The following TEX2 variants were observed in gnomAD, a reference collection of about 807,000 sequenced individuals.
The protein encoded by TEX2 is testis expressed 2.
A neutral mutation model predicts 106.9 loss-of-function variants in TEX2; 53 were observed. That is an observed-to-expected ratio of 0.50 (90% CI 0.40 to 0.62). The LOEUF is 0.62. Ranked by LOEUF, TEX2 falls within the 20% of genes least tolerant of loss-of-function variation. The pLI is 0.00. For synonymous variants in TEX2, 523 were observed against 534.8 expected, an observed-to-expected ratio of 0.98 and a Z score of 0.30; for missense variants, 1,207 against 1,379.0, an observed-to-expected ratio of 0.88 and a Z score of 1.98.
intron 5 of TEX2, among the ~76,000 whole-genome samples, chr17:64,184,537 T>C (rs2032005295): frequency 6.6e-6 from 1 of 152,250 alleles, no homozygotes; most frequent in Non-Finnish European, 1.5e-5. Context: ...TTTTCTCCCA[T>C]CCTGTGGGTT....
At chr17:64,228,925 C>G (rs2033584707) in intron 1 of TEX2, among the ~76,000 whole-genome samples, 1 of 100,740 alleles carries the variant, frequency 9.9e-6, no homozygotes. Context: ...TATGGACTGA[C>G]AGGTACACAC....
chr17:64,207,183 G>C (rs1555630858), intron 2 of TEX2, among the ~76,000 whole-genome samples: 1 of 152,176 alleles, frequency 6.6e-6, no homozygotes, highest in African/African-American at 2.4e-5. Flanking sequence ...ACCAGTAAAG[G>C]GGCAAGACTC....
At position 64,185,688 on chromosome 17, in the gene TEX2, C is replaced by T. The variant is rs570941255; in HGVS notation, c.2424+2480G>A. On this transcript the variant is annotated intron_variant, in intron 5 of 11. Transcript: ENST00000584379. This position sits in a 1 kb window ranked among gnomAD's most constrained non-coding sequence, Gnocchi z 4.0. ...CTGTAATTCCACCACTTTGGGAGGC[C>T]GAGGAGAGTGGATCACCAGAGGTCA... 6.6e-6 allele frequency among the ~76,000 whole-genome samples: 1 copy of T among 152,114 alleles called. No homozygotes were observed. The highest frequency in any genetic ancestry group is 2.1e-4 in the South Asian group (1 of 4,818).
chr17:64,160,848 T>C lies in TEX2; in HGVS notation c.2757A>G (p.Lys919=). ...ETKMNLTKLG[K]EPLVEALKVG... Reference sequence around the variant, plus strand: ...CCTTCAGGGCTTCAACAAGAGGCTCTTTACCTAGTTTGGTCAAATTCATTT... The same window carrying C: ...CCTTCAGGGCTTCAACAAGAGGCTCCTTACCTAGTTTGGTCAAATTCATTT... The change falls in exon 8 of 12, where the codon AAA becomes AAG. Residue 919 remains lysine (K), a synonymous_variant. Coordinates refer to ENST00000584379, the MANE Select transcript of TEX2 (RefSeq NM_001288732.2). 6.2e-7 allele frequency: 1 copy of C among 1,614,170 alleles called. No homozygotes were observed. The highest frequency in any genetic ancestry group is 8.5e-7 in the Non-Finnish European group (1 of 1,180,022).
At chr17:64,248,731 T>TGACA (rs150632450) in intron 1 of TEX2, among the ~76,000 whole-genome samples, 4,833 of 152,140 alleles carry the variant, frequency 0.032, 131 homozygotes, top group South Asian at 0.1. Flanking sequence ...GTACCCACAT[T>TGACA]GACAGAAATA....
In TEX2 at chr17:64,174,291, AAGGACCTGAGAC is replaced by A. The variant is rs1051131998; in HGVS notation, c.2571+3022_2571+3033del. On this transcript the variant is annotated intron_variant, in intron 6 of 11. Coordinates refer to ENST00000584379, the MANE Select transcript of TEX2 (RefSeq NM_001288732.2). The stretch of plus-strand genomic sequence containing the variant: ...CCTCTAGTCCCTGCAAAGGCAAAGG[AAGGACCTGAGAC>A]AGGACCTGAGACAAAGGAGGGACCT... 3.5e-4 allele frequency among the ~76,000 whole-genome samples: 53 copies of A among 152,286 alleles called. 1 individual carries two copies. Among genetic ancestry groups the A allele is most frequent in the African/African-American group, 7.9e-4 (33 of 41,556 alleles).
At chr17:64,256,499 C>T (rs1555637751) in intron 1 of TEX2, among the ~76,000 whole-genome samples, 5 of 152,214 alleles carry the variant, frequency 3.3e-5, no homozygotes, top group African/African-American at 1.2e-4. Flanking sequence ...AGCAGCCAGA[C>T]ATCCACGTTG....
At chr17:64,182,791 CTTTTTATTGCATAATAAACTTA>C (rs1444751771) in intron 5 of TEX2, among the ~76,000 whole-genome samples, 7 of 126,886 alleles carry the variant, frequency 5.5e-5, no homozygotes, top group African/African-American at 1.2e-4. Context: ...GCAGTGCGTC[CTTTTTATTGCATAATAAACTTA>C]TTTTTATTGC....
rs1342609332 is a variant in TEX2, at chr17:64,185,778, C to T, written c.2424+2390G>A. On this transcript the variant is annotated intron_variant, in intron 5 of 11. Transcript: ENST00000584379. The surrounding 1 kb of genome is among the most constrained non-coding windows in gnomAD (Gnocchi z 4.0). ...TCTCTACTAAAAATACAAAATTAGC[C>T]GGACGTGGTAGCGTGTGACTGCAGT... 6.6e-6 allele frequency among the ~76,000 whole-genome samples: 1 copy of T among 152,064 alleles called. No individual in the cohort carries two copies. Among genetic ancestry groups the T allele is most frequent in the Non-Finnish European group, 1.5e-5 (1 of 68,014 alleles).
intron 1 of TEX2, among the ~76,000 whole-genome samples, chr17:64,260,381 A>G (rs150866186): frequency 9.7e-4 from 148 of 152,326 alleles, no homozygotes; most frequent in African/African-American, 3.5e-3. Flanking sequence ...GTCATCCAGG[A>G]TGGTCTCAAA....
chr17:64,227,523 A>C (rs1207578861), intron 1 of TEX2, among the ~76,000 whole-genome samples: 11 of 152,222 alleles, frequency 7.2e-5, no homozygotes, highest in Admixed American at 7.2e-4. Flanking sequence ...ATCTTTTAAA[A>C]ATTATTATAA....
In TEX2 at chr17:64,150,892, A is replaced by G; in HGVS notation, c.3210T>C (p.Thr1070=). ...CTATCCAGTCTGTCACATGAACTAA[A>G]GTCACTTCTCTCTCTCCAAGTTTTG... is the stretch of plus-strand genomic sequence containing the variant. The part of the protein sequence containing the change: ...ARPKLGEREV[T]LVHVTDWIEK... The change falls in exon 11 of 12, where the codon ACT becomes ACC. Residue 1070 remains threonine, a synonymous_variant. Coordinates refer to ENST00000584379, the MANE Select transcript of TEX2 (RefSeq NM_001288732.2). 1 of 1,614,012 alleles carries G rather than the reference A, an allele frequency of 6.2e-7. No individual in the cohort carries two copies. The highest frequency in any genetic ancestry group is 1.3e-5 in the African/African-American group (1 of 75,024).
chr17:64,262,439 G>A (rs1555638693), intron 1 of TEX2, among the ~76,000 whole-genome samples: 1 of 152,186 alleles, frequency 6.6e-6, no homozygotes, highest in Non-Finnish European at 1.5e-5. Flanking sequence ...AACTCCCATG[G>A]CAGCCGTACG....
Position 64,153,126 on chromosome 17 carries a change from T to G in TEX2, c.2959A>C (p.Ile987Leu), listed in dbSNP as rs760270070. ...GYVGGHRTSKIMRFVDKITKS... is the reference protein window; with the variant it reads ...GYVGGHRTSKLMRFVDKITKS... ...GTAATTTTATCAACAAACCTCATAATCTTACTTGTTCGATGACCTCCAACG... is the reference window on the plus strand; with the variant it reads ...GTAATTTTATCAACAAACCTCATAAGCTTACTTGTTCGATGACCTCCAACG... The change falls in exon 10 of 12, where the codon ATT becomes CTT. Residue 987 changes from isoleucine to leucine, a missense_variant. Ile to Leu is a conservative substitution (Grantham distance 5). Coordinates refer to ENST00000584379, the MANE Select transcript of TEX2 (RefSeq NM_001288732.2). The surrounding 1 kb of genome is among the most constrained non-coding windows in gnomAD (Gnocchi z 4.1). 6.2e-7 allele frequency: 1 copy of G among 1,613,916 alleles called. No homozygotes were observed. The highest frequency in any genetic ancestry group is 1.7e-5 in the Admixed American group (1 of 59,996).
chr17:64,166,152 C>T (rs1329430129), intron 7 of TEX2, among the ~76,000 whole-genome samples: 1 of 152,196 alleles, frequency 6.6e-6, no homozygotes, highest in African/African-American at 2.4e-5. Context: ...CGGCCCCCAC[C>T]CAGCCTCTTC....
At chr17:64,197,801 C>T (rs1209977398) in intron 2 of TEX2, among the ~76,000 whole-genome samples, 1 of 152,106 alleles carries the variant, frequency 6.6e-6, no homozygotes, top group Non-Finnish European at 1.5e-5. Context: ...TGGTCTCAAG[C>T]AGTTCTCCCA....
intron 1 of TEX2, 130 bp from the exon 2 acceptor site, chr17:64,214,372 G>T: frequency 1.4e-6 from 1 of 739,530 alleles, no homozygotes; most frequent in Non-Finnish European, 2.2e-6. Flanking sequence ...GATGTCCACC[G>T]TTTTTCACTT....
At chr17:64,237,195 G>A (rs879995631) in intron 1 of TEX2, among the ~76,000 whole-genome samples, 3 of 152,048 alleles carry the variant, frequency 2.0e-5, no homozygotes, top group Non-Finnish European at 4.4e-5. Flanking sequence ...TGATGGCAGC[G>A]TGGGCATTCC....
At position 64,214,058 on chromosome 17, in the gene TEX2, C is replaced by A; in HGVS notation, c.160G>T (p.Glu54Ter). Reference protein sequence around the residue: ...EEEEEEEEFREYFEEGLDDQS... With the variant: ...EEEEEEEEFR ...TCATCCAGCCCCTCCTCAAAGTACT[C>A]CCTGAACTCCTCCTCCTCTTCCTCC... Residue 54 changes from glutamate (E) to a stop codon, truncating the protein, a stop_gained, in exon 2 of 12, where the codon GAG (glutamate) becomes TAG (stop). Transcript: ENST00000584379. LOFTEE classifies it high-confidence loss of function. The A allele has an allele frequency of 6.2e-7, 1 of 1,614,184 alleles. No individual in the cohort carries two copies. Among genetic ancestry groups the A allele is most frequent in the South Asian group, 1.1e-5 (1 of 91,080 alleles).
Sources: gnomAD v4.1 joint callset for allele counts (sites outside exome capture counted in the v4.1 genomes callset) on GRCh38, gnomAD v4.1.1 for gene constraint, Gnocchi (gnomAD v3.1) non-coding constraint, MANE v1.5 for transcripts, NCBI Gene and HGNC (gene_info 2026-07-23, HGNC 2026-07-21) for gene names.